EPHA6: variants seen among roughly 807,000 people sequenced by gnomAD.
EPHA6 encodes ephrin type-A receptor 6.
A neutral mutation model predicts 112.0 loss-of-function variants in EPHA6; 50 were observed. The ratio of observed to expected loss-of-function variants is 0.45; its 90% CI spans 0.36 to 0.56. The LOEUF is 0.56. Among genes scored for constraint, EPHA6 ranks in the 20% least tolerant of loss-of-function variants. The probability of loss-of-function intolerance (pLI) is 0.00; values close to 1 mark genes in which losing one functional copy is unlikely to be tolerated. For missense variants in EPHA6, 1,280 were observed against 1,417.4 expected (o/e 0.90, Z 1.56); for synonymous variants, 529 against 490.7 (o/e 1.08, Z -1.03).
chr3:97,741,604 G>A (rs1340521021), intron 16 of EPHA6, among the ~76,000 whole-genome samples: 1 of 152,012 alleles, frequency 6.6e-6, no homozygotes, highest in East Asian at 1.9e-4. Context: ...GACATAAAGA[G>A]GCTAACTTTC....
intron 14 of EPHA6, among the ~76,000 whole-genome samples, chr3:97,680,175 GTGGTAGGAA>G (rs1413551143): frequency 1.3e-5 from 2 of 152,142 alleles, no homozygotes; most frequent in African/African-American, 4.8e-5. Flanking sequence ...TACAAACGTA[GTGGTAGGAA>G]TGGACTGAGA....
intron 2 of EPHA6, among the ~76,000 whole-genome samples, chr3:96,943,389 C>T (rs2041084129): frequency 6.6e-6 from 1 of 151,842 alleles, no homozygotes; most frequent in Admixed American, 6.6e-5. Context: ...TTATACTGTG[C>T]CCCAAAATAT....
chr3:97,200,459 C>T (rs1272014450), intron 3 of EPHA6, among the ~76,000 whole-genome samples: 3 of 152,050 alleles, frequency 2.0e-5, no homozygotes. Context: ...ATAGTGCATG[C>T]ATATTTTACT....
chr3:96,820,099 A>G (rs2033134502), intron 1 of EPHA6, among the ~76,000 whole-genome samples: 1 of 152,090 alleles, frequency 6.6e-6, no homozygotes, highest in Non-Finnish European at 1.5e-5. Flanking sequence ...AGGGTCTCGA[A>G]GAGAAATGAG....
At chr3:97,518,458 T>A (rs191413292) in intron 10 of EPHA6, among the ~76,000 whole-genome samples, 33 of 152,226 alleles carry the variant, frequency 2.2e-4, no homozygotes, top group Non-Finnish European at 4.1e-4. Flanking sequence ...TACTGATTTT[T>A]TTTTTTCCTT....
chr3:97,399,455 T>C (rs1003248293), intron 5 of EPHA6, among the ~76,000 whole-genome samples: 1 of 151,426 alleles, frequency 6.6e-6, no homozygotes, highest in Non-Finnish European at 1.5e-5. Flanking sequence ...ATATACCCAG[T>C]AGTAGGATAT....
intron 4 of EPHA6, among the ~76,000 whole-genome samples, chr3:97,228,290 A>G (rs2078418977): frequency 1.3e-5 from 2 of 152,190 alleles, no homozygotes; most frequent in South Asian, 2.1e-4. Flanking sequence ...ACTGTACTCA[A>G]TGTGTAGTCT....
At chr3:97,033,069 A>C (rs982322196) in intron 3 of EPHA6, among the ~76,000 whole-genome samples, 3 of 151,850 alleles carry the variant, frequency 2.0e-5, no homozygotes, top group Non-Finnish European at 4.4e-5. Context: ...AAGAAAGAAA[A>C]AAAAAAGGAA....
intron 1 of EPHA6, among the ~76,000 whole-genome samples, chr3:96,829,485 A>G (rs1314965252): frequency 6.6e-6 from 1 of 152,128 alleles, no homozygotes; most frequent in Non-Finnish European, 1.5e-5. Flanking sequence ...ATAAGATTGT[A>G]TAGAAATCGC....
chr3:96,852,615 A>C (rs1284084002), intron 1 of EPHA6, among the ~76,000 whole-genome samples: 2 of 151,918 alleles, frequency 1.3e-5, no homozygotes, highest in African/African-American at 4.8e-5. Flanking sequence ...AAAAAAAAAA[A>C]AAAAAACTTC....
rs1204159826 is a variant in EPHA6, at chr3:97,243,805, A to C, written c.1271-147A>C. On this transcript the variant is annotated intron_variant, in intron 4 of 17. Coordinates refer to ENST00000389672, the MANE Select transcript of EPHA6 (RefSeq NM_001080448.3). ...CCTACTAGACCTAATGAGCTATTTTAACCATGTGATCATTATAGATCCCAT... is the reference window on the plus strand; with the variant it reads ...CCTACTAGACCTAATGAGCTATTTTCACCATGTGATCATTATAGATCCCAT... 3 of 606,168 alleles carry C rather than the reference A, an allele frequency of 4.9e-6. No homozygotes were observed. The East Asian group carries it at 8.3e-5, about 17-fold the overall frequency. The allele number at this position is 606,168 out of a possible 1,614,324, so 37.5% of individuals were successfully genotyped here.
chr3:97,315,619 A>G (rs915857537), intron 5 of EPHA6, among the ~76,000 whole-genome samples: 1 of 151,754 alleles, frequency 6.6e-6, no homozygotes, highest in African/African-American at 2.4e-5. Context: ...GATGTTTCTT[A>G]AAAGTGGCTT....
chr3:97,596,885 T>C (rs2093597767), intron 12 of EPHA6, among the ~76,000 whole-genome samples: 1 of 133,842 alleles, frequency 7.5e-6, no homozygotes, highest in Non-Finnish European at 1.5e-5. Context: ...AATATATATA[T>C]ATATATATAT....
chr3:97,672,521 A>G (rs1488924640), intron 14 of EPHA6, among the ~76,000 whole-genome samples: 7 of 152,106 alleles, frequency 4.6e-5, no homozygotes, highest in Admixed American at 4.6e-4. Flanking sequence ...TGCACTATTA[A>G]TGAACAACAG....
chr3:97,288,556 T>C (rs558200887), intron 5 of EPHA6, among the ~76,000 whole-genome samples: 11 of 152,324 alleles, frequency 7.2e-5, no homozygotes, highest in African/African-American at 2.4e-4. Context: ...TGAGTGCATG[T>C]ATCTTTTTAG....
chr3:96,854,187 T>G (rs1170902663), intron 1 of EPHA6, among the ~76,000 whole-genome samples: 1 of 149,604 alleles, frequency 6.7e-6, no homozygotes, highest in Non-Finnish European at 1.5e-5. Context: ...GACTTTTTTT[T>G]TTTTTTTTTT....
At chr3:97,264,798 C>G (rs1576799982) in intron 5 of EPHA6, among the ~76,000 whole-genome samples, 1 of 152,276 alleles carries the variant, frequency 6.6e-6, no homozygotes, top group East Asian at 1.9e-4. Flanking sequence ...CCCTCCATAA[C>G]CAGGGTGTCC....
intron 6 of EPHA6, among the ~76,000 whole-genome samples, chr3:97,442,121 T>C (rs1479028665): frequency 6.6e-5 from 10 of 152,188 alleles, no homozygotes. Flanking sequence ...GATGACTTTT[T>C]ATGACTATAA....
At chr3:96,874,077 A>G (rs1376159965) in intron 2 of EPHA6, among the ~76,000 whole-genome samples, 2 of 152,106 alleles carry the variant, frequency 1.3e-5, no homozygotes, top group African/African-American at 2.4e-5. Context: ...CGGTATAGCT[A>G]TAACCACAAA....
Sources: gnomAD v4.1 joint callset for allele counts (sites outside exome capture counted in the v4.1 genomes callset) on GRCh38, gnomAD v4.1.1 for gene constraint, MANE v1.5 for transcripts, NCBI Gene and HGNC (gene_info 2026-07-23, HGNC 2026-07-21) for gene names.